Variants in TMEM132B observed in about 807,000 individuals in gnomAD.
TMEM132B encodes transmembrane protein 132B.
In TMEM132B, 18 loss-of-function variants were observed where a neutral mutation model predicts 90.8. That is an observed-to-expected ratio of 0.20 (90% confidence interval 0.14 to 0.29). The LOEUF is 0.29. TMEM132B is among the 10% of genes least tolerant of loss of function. The pLI, the probability that TMEM132B is intolerant of heterozygous loss-of-function variation, is 1.00. For synonymous variants in TMEM132B, 504 were observed against 523.3 expected, an observed-to-expected ratio of 0.96 and a Z score of 0.50; for missense variants, 1,096 against 1,326.8, an observed-to-expected ratio of 0.83 and a Z score of 2.70.
At chr12:125,287,426 A>T (rs1875393112) in intron 1 of TMEM132B, among the ~76,000 whole-genome samples, 1 of 152,132 alleles carries the variant, frequency 6.6e-6, no homozygotes, top group Admixed American at 6.6e-5. Flanking sequence ...AGTACACATA[A>T]TTTAAATTAT....
chr12:125,617,945 G>A (rs1886030104), intron 5 of TMEM132B, among the ~76,000 whole-genome samples: 1 of 114,404 alleles, frequency 8.7e-6, no homozygotes, highest in Admixed American at 9.3e-5. Context: ...CTTTTTAATT[G>A]CTTACTACAA....
chr12:125,446,268 A>G (rs1270511494), intron 3 of TMEM132B, among the ~76,000 whole-genome samples: 1 of 152,214 alleles, frequency 6.6e-6, no homozygotes, highest in Non-Finnish European at 1.5e-5. Context: ...ACAGACTGCA[A>G]ATAGTAGGTG....
At chr12:125,244,222 G>A (rs968776188) in intron 1 of TMEM132B, among the ~76,000 whole-genome samples, 4 of 152,214 alleles carry the variant, frequency 2.6e-5, no homozygotes, top group African/African-American at 9.7e-5. Flanking sequence ...GAACATGAGT[G>A]TGTACATTTT....
intron 5 of TMEM132B, chr12:125,622,529 G>A (rs997325189): frequency 2.6e-5 from 25 of 967,256 alleles, no homozygotes; most frequent in Non-Finnish European, 2.8e-5. Flanking sequence ...TGCAGACTGC[G>A]TGGAGGCCAT....
intron 1 of TMEM132B, among the ~76,000 whole-genome samples, chr12:125,194,780 AG>A (rs34419494): frequency 2.0e-5 from 3 of 151,892 alleles, no homozygotes; most frequent in Non-Finnish European, 4.4e-5. Context: ...GCGAGTCTCT[AG>A]GTTGGGCAAG....
At chr12:125,328,996 A>G (rs1250045263) in intron 1 of TMEM132B, among the ~76,000 whole-genome samples, 1 of 152,080 alleles carries the variant, frequency 6.6e-6, no homozygotes, top group Admixed American at 6.6e-5. Context: ...CCTGTTATGG[A>G]CTGAATGTTC....
At chr12:125,327,934 C>A (rs1473959506) in intron 1 of TMEM132B, among the ~76,000 whole-genome samples, 1 of 152,176 alleles carries the variant, frequency 6.6e-6, no homozygotes, top group Non-Finnish European at 1.5e-5. Context: ...TTGATTTTGG[C>A]ACCGGGGGTC....
chr12:125,587,731 T>C (rs979745905), intron 5 of TMEM132B: 4 of 152,218 alleles, frequency 2.6e-5, no homozygotes, highest in Non-Finnish European at 5.9e-5. Flanking sequence ...GAAGGTGAGA[T>C]ATTTTTTGTA....
At position 125,419,546 on chromosome 12, in the gene TMEM132B, C is replaced by T. The variant is rs138256971; in HGVS notation, c.1106+3869C>T. Among the ~76,000 whole-genome samples, 1,416 of 152,266 alleles carry T rather than the reference C, an allele frequency of 9.3e-3. 24 individuals carry two copies. The highest frequency in any genetic ancestry group is 0.033 in the African/African-American group (1,351 of 41,546). On this transcript the variant is annotated intron_variant, in intron 3 of 8. Coordinates refer to ENST00000682704, the MANE Select transcript of TMEM132B (RefSeq NM_001366854.1). ...CCCCCATGATTCATTTACCTCCCAC[C>T]GGGTCCCTTCCACATGTGGAAAATA...
intron 1 of TMEM132B, among the ~76,000 whole-genome samples, chr12:125,257,541 C>G (rs1874466700): frequency 6.6e-6 from 1 of 152,184 alleles, no homozygotes; most frequent in South Asian, 2.1e-4. Context: ...AGGAGCTGGA[C>G]CTCCTGTCTT....
At chr12:125,627,445 A>T (rs1048741630) in intron 5 of TMEM132B, among the ~76,000 whole-genome samples, 1 of 152,084 alleles carries the variant, frequency 6.6e-6, no homozygotes, top group Non-Finnish European at 1.5e-5. Flanking sequence ...AGAGTTGTGT[A>T]TACCTTTCTT....
chr12:125,629,023 C>A (rs2136989793), intron 5 of TMEM132B, among the ~76,000 whole-genome samples: 1 of 152,148 alleles, frequency 6.6e-6, no homozygotes, highest in Admixed American at 6.5e-5. Context: ...TATTTTTATG[C>A]CAGAACCATG....
Position 125,634,724 on chromosome 12 carries a change from G to A in TMEM132B, c.1438-9352G>A, listed in dbSNP as rs182235790. ...GTATGTCTAGTAATGTTATCTGGGA[G>A]CTAGAGCATGGAAAGGAGGCCTCAG... is the stretch of plus-strand genomic sequence containing the variant. On this transcript the variant is annotated intron_variant, in intron 5 of 8. Coordinates refer to ENST00000682704, the MANE Select transcript of TMEM132B (RefSeq NM_001366854.1). Among the ~76,000 whole-genome samples, 6 of 152,310 alleles carry A rather than the reference G, an allele frequency of 3.9e-5. No homozygotes were observed. In the East Asian group the frequency reaches 1.2e-3, roughly 29 times the overall value.
rs573118136 is a variant in TMEM132B at position 125,219,536 on chromosome 12, G to A, written c.67+32670G>A. 6.6e-5 allele frequency among the ~76,000 whole-genome samples: 10 copies of A among 152,240 alleles called. No individual in the cohort carries two copies. In the South Asian group the frequency reaches 1.0e-3, roughly 16 times the overall value. On this transcript the variant is annotated intron_variant, in intron 1 of 8. Coordinates refer to ENST00000682704, the MANE Select transcript of TMEM132B (RefSeq NM_001366854.1). ...CTGCCTGGATCCCCAGAGCTGGATCGGGGGTCCTCTTCACACCTCTGTTGT... is the reference window on the plus strand; with the variant it reads ...CTGCCTGGATCCCCAGAGCTGGATCAGGGGTCCTCTTCACACCTCTGTTGT...
intron 2 of TMEM132B, among the ~76,000 whole-genome samples, chr12:125,368,464 T>C (rs1878196872): frequency 6.6e-6 from 1 of 152,258 alleles, no homozygotes; most frequent in South Asian, 2.1e-4. Flanking sequence ...GGTGTCACTA[T>C]GTGATATTAT....
At chr12:125,653,094 C>T (rs1395446415) in intron 8 of TMEM132B, among the ~76,000 whole-genome samples, 1 of 152,204 alleles carries the variant, frequency 6.6e-6, no homozygotes, top group Non-Finnish European at 1.5e-5. Flanking sequence ...GATACCAGAG[C>T]CACTGTACCA....
intron 3 of TMEM132B, among the ~76,000 whole-genome samples, chr12:125,470,311 G>C (rs2136495194): frequency 6.6e-6 from 1 of 152,318 alleles, no homozygotes; most frequent in East Asian, 1.9e-4. Flanking sequence ...GGCCGTCTCT[G>C]GCCCAGGAAA....
chr12:125,654,388 T>C lies in TMEM132B; in HGVS notation c.2930T>C (p.Ile977Thr). ...CCATCAGAGGAGTGCACAACCATGATAGACAGGGGCCTGCAGTTCGAGGAG... is the reference window on the plus strand; with the variant it reads ...CCATCAGAGGAGTGCACAACCATGACAGACAGGGGCCTGCAGTTCGAGGAG... Reference protein sequence around the residue: ...TLPSEECTTMIDRGLQFEERN... With the variant: ...TLPSEECTTMTDRGLQFEERN... The change falls in exon 9 of 9, where the codon ATA becomes ACA. Residue 977 changes from isoleucine to threonine, a missense_variant. By Grantham distance (89) the Ile-to-Thr change is moderately conservative. Transcript: ENST00000682704. This position sits in a 1 kb window ranked among gnomAD's most constrained non-coding sequence, Gnocchi z 5.8. The C allele has an allele frequency of 1.9e-6, 3 of 1,613,114 alleles. No homozygotes were observed. Among genetic ancestry groups the C allele is most frequent in the Non-Finnish European group, 2.5e-6 (3 of 1,180,028 alleles).
chr12:125,493,345 C>T (rs1882406761), intron 3 of TMEM132B, among the ~76,000 whole-genome samples: 1 of 152,198 alleles, frequency 6.6e-6, no homozygotes, highest in Non-Finnish European at 1.5e-5. Flanking sequence ...CAGGAATCTT[C>T]TTGTGGCCAA....
Sources: gnomAD v4.1 joint callset for allele counts (sites outside exome capture counted in the v4.1 genomes callset) on GRCh38, gnomAD v4.1.1 for gene constraint, Gnocchi (gnomAD v3.1) non-coding constraint, MANE v1.5 for transcripts, NCBI Gene and HGNC (gene_info 2026-07-23, HGNC 2026-07-21) for gene names.